RNF2: variants seen among roughly 807,000 people sequenced by gnomAD.
The protein encoded by RNF2 is ring finger protein 2.
In RNF2, 6 loss-of-function variants were observed where a neutral mutation model predicts 37.2. The ratio of observed to expected loss-of-function variants is 0.16; its 90% CI spans 0.09 to 0.32. The LOEUF is 0.32. Ranked by LOEUF, RNF2 falls within the 10% of genes least tolerant of loss-of-function variation. The pLI is 1.00. For missense variants in RNF2, 251 were observed against 404.0 expected, an observed-to-expected ratio of 0.62 and a Z score of 3.25; for synonymous variants, 133 against 132.7, an observed-to-expected ratio of 1.00 and a Z score of -0.02.
intron 1 of RNF2, among the ~76,000 whole-genome samples, chr1:185,048,759 CAT>C (rs1182093190): frequency 6.6e-6 from 1 of 151,490 alleles, no homozygotes; most frequent in African/African-American, 2.4e-5. Flanking sequence ...ATGAAAATCA[CAT>C]GTAGTAAAAA....
intron 1 of RNF2, among the ~76,000 whole-genome samples, chr1:185,060,109 C>T (rs369326634): frequency 5.3e-5 from 8 of 152,194 alleles, no homozygotes; most frequent in African/African-American, 1.9e-4. Flanking sequence ...TTGGAATATA[C>T]CACTTTGCAG....
chr1:185,062,737 T>C (rs1650647603), intron 1 of RNF2, among the ~76,000 whole-genome samples: 1 of 151,322 alleles, frequency 6.6e-6, no homozygotes, highest in Admixed American at 6.6e-5. Context: ...TCAATTTCCT[T>C]AAAAGAAGGA....
intron 2 of RNF2, 135 bp downstream of exon 2, chr1:185,087,775 C>T: frequency 1.5e-6 from 1 of 671,360 alleles, no homozygotes; most frequent in Non-Finnish European, 2.6e-6. Flanking sequence ...TGTATGTTGG[C>T]TAACACTTTA....
rs900445445 is a variant in RNF2, at chr1:185,102,466, T to G, written c.*2165T>G. On this transcript the variant is annotated 3_prime_UTR_variant, in exon 7 of 7. Coordinates refer to ENST00000367510, the MANE Select transcript of RNF2 (RefSeq NM_007212.4). ...GCCACATTTACAGTTTTAACCATTT[T>G]AAGGCATGTAATTCAGTGGGGTTAG... The G allele has an allele frequency of 3.3e-5, 5 of 152,220 alleles. No individual in the cohort carries two copies. The highest frequency in any genetic ancestry group is 7.4e-5 in the Non-Finnish European group (5 of 68,020). 9.4% of individuals were successfully genotyped at this position (152,220 alleles called of 1,614,324 possible).
At chr1:185,080,136 C>G (rs569681824) in intron 1 of RNF2, among the ~76,000 whole-genome samples, 1 of 152,162 alleles carries the variant, frequency 6.6e-6, no homozygotes, top group Non-Finnish European at 1.5e-5. Context: ...GGCTTCCACT[C>G]TACTCTTCAG....
At chr1:185,059,001 A>G (rs182630198) in intron 1 of RNF2, among the ~76,000 whole-genome samples, 14 of 152,286 alleles carry the variant, frequency 9.2e-5, no homozygotes, top group Admixed American at 6.5e-4. Context: ...TAAAACTTCT[A>G]CTAGTTTCTG....
intron 1 of RNF2, among the ~76,000 whole-genome samples, chr1:185,061,952 C>G (rs924689166): frequency 6.6e-6 from 1 of 152,182 alleles, no homozygotes; most frequent in African/African-American, 2.4e-5. Context: ...ACCCAAGAAT[C>G]TAGAAGCAGT....
intron 1 of RNF2, among the ~76,000 whole-genome samples, chr1:185,053,910 A>C (rs929982417): frequency 6.6e-6 from 1 of 152,106 alleles, no homozygotes; most frequent in Non-Finnish European, 1.5e-5. Context: ...GTCACTACCT[A>C]GATGTAGCTC....
chr1:185,062,833 A>G (rs1019339080), intron 1 of RNF2, among the ~76,000 whole-genome samples: 4 of 150,156 alleles, frequency 2.7e-5, no homozygotes, highest in East Asian at 2.0e-4. Context: ...AAAAAGGCCA[A>G]TAAAGCTGTG....
At chr1:185,046,793 A>T (rs1259176480) in intron 1 of RNF2, among the ~76,000 whole-genome samples, 1 of 152,234 alleles carries the variant, frequency 6.6e-6, no homozygotes, top group Non-Finnish European at 1.5e-5. Context: ...TTTGCATTAC[A>T]TAATCTACTT....
intron 1 of RNF2, among the ~76,000 whole-genome samples, chr1:185,081,552 CCTGA>C (rs1019639715): frequency 7.8e-5 from 11 of 140,258 alleles, no homozygotes; most frequent in Non-Finnish European, 1.5e-4. Context: ...TGCCACCATG[CCTGA>C]CTAATTTTTG....
intron 1 of RNF2, among the ~76,000 whole-genome samples, chr1:185,080,701 T>C (rs1651319791): frequency 6.6e-6 from 1 of 152,196 alleles, no homozygotes; most frequent in African/African-American, 2.4e-5. Context: ...TTCCAAATGG[T>C]ACCAGGAAAT....
chr1:185,098,418 A>G (rs1458539481), intron 5 of RNF2, 74 bp downstream of exon 5: 1 of 1,508,770 alleles, frequency 6.6e-7, no homozygotes, highest in Non-Finnish European at 9.0e-7. Context: ...AGTCTTGTAT[A>G]AGAAGTAGGA....
chr1:185,072,799 G>C (rs1331188168), intron 1 of RNF2, among the ~76,000 whole-genome samples: 1 of 152,044 alleles, frequency 6.6e-6, no homozygotes, highest in Non-Finnish European at 1.5e-5. Context: ...AATCAGGCGG[G>C]CATAGTGGCA....
At position 185,058,672 on chromosome 1, in the gene RNF2, A is replaced by G. The variant is rs1042355312; in HGVS notation, c.-3+13023A>G. On this transcript the variant is annotated intron_variant, in intron 1 of 6. Coordinates refer to ENST00000367510, the MANE Select transcript of RNF2 (RefSeq NM_007212.4). ...TACTTAAGTTTTTCTTTATTGTGTTATGGTTTTCTCTTTTTAATATTGATT... is the reference window on the plus strand; with the variant it reads ...TACTTAAGTTTTTCTTTATTGTGTTGTGGTTTTCTCTTTTTAATATTGATT... Among the ~76,000 whole-genome samples, 31 of 152,184 alleles carry G rather than the reference A, an allele frequency of 2.0e-4. 1 individual carries two copies. Among genetic ancestry groups the G allele is most frequent in the African/African-American group, 7.0e-4 (29 of 41,460 alleles).
At chr1:185,049,718 TAAGAGCTCAGAG>T (rs1650221972) in intron 1 of RNF2, among the ~76,000 whole-genome samples, 2 of 151,604 alleles carry the variant, frequency 1.3e-5, no homozygotes, top group Middle Eastern at 3.5e-3. Context: ...AATCAGAACC[TAAGAGCTCAGAG>T]AAGAGGTTCT....
intron 4 of RNF2, among the ~76,000 whole-genome samples, chr1:185,097,741 T>C (rs1480223384): frequency 1.3e-5 from 2 of 152,226 alleles, no homozygotes; most frequent in Non-Finnish European, 2.9e-5. Flanking sequence ...CTCACTTTGT[T>C]GCCCAAGCTG....
rs139530656 is a variant in RNF2, at chr1:185,090,065, G to T, written c.88-1514G>T. 5.4e-3 allele frequency among the ~76,000 whole-genome samples: 824 copies of T among 152,112 alleles called. 30 individuals carry two copies. In the East Asian group the frequency reaches 0.085, roughly 16 times the overall value. ...GCCTCCCAAGTAGCTGGGATTACAG[G>T]CGTGTGCCACCATGCCCGGCTAATT... On this transcript the variant is annotated intron_variant, in intron 2 of 6. Coordinates refer to ENST00000367510, the MANE Select transcript of RNF2 (RefSeq NM_007212.4).
At chr1:185,053,928 G>C (rs992883663) in intron 1 of RNF2, among the ~76,000 whole-genome samples, 3 of 151,906 alleles carry the variant, frequency 2.0e-5, no homozygotes, top group African/African-American at 7.3e-5. Context: ...CTCATTCTTG[G>C]ATGGATGTTA....
Sources: gnomAD v4.1 joint callset for allele counts (sites outside exome capture counted in the v4.1 genomes callset) on GRCh38, gnomAD v4.1.1 for gene constraint, MANE v1.5 for transcripts, NCBI Gene and HGNC (gene_info 2026-07-23, HGNC 2026-07-21) for gene names.